Variants in ST6GAL1 observed in about 807,000 individuals in gnomAD.
The protein encoded by ST6GAL1 is ST6 beta-galactoside alpha-2,6-sialyltransferase 1, also known as beta-galactoside alpha-2,6-sialyltransferase 1.
ST6GAL1 carries 20 observed loss-of-function variants against 38.0 expected under a neutral mutation model. The ratio of observed to expected loss-of-function variants is 0.53; its 90% confidence interval spans 0.37 to 0.77. The LOEUF (loss-of-function observed/expected upper bound fraction) is 0.77. Among genes scored for constraint, ST6GAL1 ranks in the 30% least tolerant of loss-of-function variants. The probability of loss-of-function intolerance (pLI) is 0.00; values close to 1 mark genes in which losing one functional copy is unlikely to be tolerated. For synonymous variants in ST6GAL1, 196 were observed against 188.2 expected, an observed-to-expected ratio of 1.04 and a Z score of -0.34; for missense variants, 432 against 496.4, an observed-to-expected ratio of 0.87 and a Z score of 1.23.
chr3:187,060,793 A>T (rs1225282830), intron 5 of ST6GAL1, among the ~76,000 whole-genome samples: 1 of 152,194 alleles, frequency 6.6e-6, no homozygotes, highest in East Asian at 1.9e-4. Context: ...TCAGCCCCTT[A>T]TCCATGGTTT....
At chr3:187,066,388 T>A (rs1247332596) in intron 5 of ST6GAL1, among the ~76,000 whole-genome samples, 1 of 152,042 alleles carries the variant, frequency 6.6e-6, no homozygotes, top group African/African-American at 2.4e-5. Flanking sequence ...ACTGGCCCCA[T>A]TGGATTAGGG....
chr3:186,975,999 G>T (rs547498288), intron 2 of ST6GAL1, among the ~76,000 whole-genome samples: 35 of 152,220 alleles, frequency 2.3e-4, no homozygotes, highest in African/African-American at 7.9e-4. Flanking sequence ...GCAACTGCTC[G>T]GGACCCACTG....
At chr3:186,948,527 T>TTG (rs1714458487) in intron 1 of ST6GAL1, among the ~76,000 whole-genome samples, 7 of 112,524 alleles carry the variant, frequency 6.2e-5, no homozygotes, top group African/African-American at 2.4e-4. Context: ...TCAGAAACTC[T>TTG]AGTGTGTGTG....
At chr3:187,011,378 T>C (rs1716952190) in intron 2 of ST6GAL1, among the ~76,000 whole-genome samples, 1 of 152,264 alleles carries the variant, frequency 6.6e-6, no homozygotes, top group Admixed American at 6.5e-5. Context: ...ATTCAAATCC[T>C]GGCTCTACAA....
intron 4 of ST6GAL1, among the ~76,000 whole-genome samples, chr3:187,045,124 C>A (rs1718250670): frequency 6.6e-6 from 1 of 152,226 alleles, no homozygotes; most frequent in South Asian, 2.1e-4. Flanking sequence ...TGTTGAGTCT[C>A]TTCCCAACTA....
intron 5 of ST6GAL1, among the ~76,000 whole-genome samples, chr3:187,063,749 G>A (rs963894157): frequency 2.0e-5 from 3 of 152,204 alleles, no homozygotes; most frequent in Admixed American, 6.5e-5. Flanking sequence ...GCCAAAGTAA[G>A]GTTGCCTGGG....
chr3:187,066,607 T>TGTGC (rs1553836668), intron 5 of ST6GAL1, among the ~76,000 whole-genome samples: 1 of 146,306 alleles, frequency 6.8e-6, no homozygotes, highest in African/African-American at 2.7e-5. Flanking sequence ...CGTGCGTGTG[T>TGTGC]GTGTGTGTGT....
At chr3:186,987,639 A>G (rs1715996568) in intron 2 of ST6GAL1, among the ~76,000 whole-genome samples, 1 of 152,218 alleles carries the variant, frequency 6.6e-6, no homozygotes, top group South Asian at 2.1e-4. Flanking sequence ...GTGCTGTTGA[A>G]GGTCCTCAAG....
intron 2 of ST6GAL1, among the ~76,000 whole-genome samples, chr3:187,035,970 C>T (rs1318793100): frequency 2.6e-5 from 4 of 152,072 alleles, no homozygotes; most frequent in Non-Finnish European, 4.4e-5. Context: ...AAACAGACAA[C>T]CTACAGAATG....
chr3:186,965,124 G>A (rs762865386), intron 2 of ST6GAL1, among the ~76,000 whole-genome samples: 5 of 152,050 alleles, frequency 3.3e-5, no homozygotes, highest in African/African-American at 4.8e-5. Flanking sequence ...GGGAGCCTTC[G>A]GATTACTGAC....
chr3:187,022,678 C>T (rs956357726), intron 2 of ST6GAL1, among the ~76,000 whole-genome samples: 6 of 152,144 alleles, frequency 3.9e-5, no homozygotes, highest in Admixed American at 2.6e-4. Context: ...TGGAGATGCA[C>T]GTTTCCCCCA....
At chr3:187,001,852 A>T (rs1716628431) in intron 2 of ST6GAL1, among the ~76,000 whole-genome samples, 1 of 151,178 alleles carries the variant, frequency 6.6e-6, no homozygotes. Flanking sequence ...GCTACTCAGG[A>T]GGCTGAGGCA....
At chr3:186,946,572 C>T (rs1041485863) in intron 1 of ST6GAL1, among the ~76,000 whole-genome samples, 1 of 152,170 alleles carries the variant, frequency 6.6e-6, no homozygotes, top group African/African-American at 2.4e-5. Context: ...AAAGCAATCC[C>T]CATCTATCCT....
chr3:187,007,264 G>T (rs987145852), intron 2 of ST6GAL1, among the ~76,000 whole-genome samples: 2 of 152,208 alleles, frequency 1.3e-5, no homozygotes, highest in Non-Finnish European at 2.9e-5. Context: ...GGAAATCCCT[G>T]AGAGGAGAGA....
intron 1 of ST6GAL1, among the ~76,000 whole-genome samples, chr3:186,939,525 G>T (rs1714087960): frequency 6.6e-6 from 1 of 152,198 alleles, no homozygotes; most frequent in East Asian, 1.9e-4. Context: ...CTTTTAGAAA[G>T]TGACTTTTGA....
At chr3:186,969,051 C>CTTTTTTTTTTTTTTTTTTTTT (rs34520153) in intron 2 of ST6GAL1, among the ~76,000 whole-genome samples, 2 of 89,256 alleles carry the variant, frequency 2.2e-5, no homozygotes, top group African/African-American at 4.1e-5. Flanking sequence ...TTCTCTTTTT[C>CTTTTTTTTTTTTTTTTTTTTT]TTTTTTTTTT....
rs374148828 is a variant in ST6GAL1, at chr3:187,048,880, A to ATTTTT, written c.608-2345_608-2341dup. On this transcript the variant is annotated intron_variant, in intron 4 of 7. Transcript: ENST00000169298. ...TCTGGCTCTGTCCCTGAGAAATTGAATTTTTTTTTTTTTTTTTTTTTTTTT... is the reference window on the plus strand; with the variant it reads ...TCTGGCTCTGTCCCTGAGAAATTGAATTTTTTTTTTTTTTTTTTTTTTTTTTTTTT... Among the ~76,000 whole-genome samples the ATTTTT allele has an allele frequency of 6.1e-3, 701 of 115,316 alleles. 44 individuals carry two copies. The highest frequency in any genetic ancestry group is 0.024 in the African/African-American group (641 of 26,460). The allele number at this position is 115,316 out of a possible 152,430, so 75.7% of individuals were successfully genotyped here.
At chr3:187,062,659 G>T (rs1387862391) in intron 5 of ST6GAL1, among the ~76,000 whole-genome samples, 2 of 151,836 alleles carry the variant, frequency 1.3e-5, no homozygotes, top group Non-Finnish European at 2.9e-5. Context: ...GGGGGAATGG[G>T]GAGTTACTGT....
At chr3:186,946,381 C>CTTA (rs112136993) in intron 1 of ST6GAL1, among the ~76,000 whole-genome samples, 1 of 151,262 alleles carries the variant, frequency 6.6e-6, no homozygotes, top group East Asian at 1.9e-4. Flanking sequence ...TTTTAAAAAA[C>CTTA]TTATTATTAT....
Sources: allele counts gnomAD v4.1 joint callset (sites outside exome capture counted in the v4.1 genomes callset), GRCh38; gene constraint gnomAD v4.1.1; transcripts MANE v1.5; gene names NCBI Gene and HGNC (gene_info 2026-07-23, HGNC 2026-07-21).